The following ACKR2 variants were observed in gnomAD, a reference collection of about 807,000 sequenced individuals.
ACKR2 encodes the protein atypical chemokine receptor 2.
For synonymous variants in ACKR2, 207 were observed against 192.2 expected (o/e 1.08, Z -0.64); for missense variants, 457 against 477.3 (o/e 0.96, Z 0.40).
chr3:42,814,584 A>T (rs142781908), intron 1 of ACKR2, among the ~76,000 whole-genome samples: 198 of 152,338 alleles, frequency 1.3e-3, no homozygotes, highest in African/African-American at 4.5e-3. Flanking sequence ...TCTTTGTCGA[A>T]CTTTGTTTAA....
intron 1 of ACKR2, among the ~76,000 whole-genome samples, chr3:42,819,061 G>C (rs1700782824): frequency 6.6e-6 from 1 of 152,048 alleles, no homozygotes; most frequent in Admixed American, 6.6e-5. Flanking sequence ...AAGCTCTCCT[G>C]CCTCTTTTAC....
intron 2 of ACKR2, chr3:42,835,975 G>C (rs535504171): frequency 2.6e-5 from 4 of 152,160 alleles, no homozygotes; most frequent in African/African-American, 9.6e-5. Flanking sequence ...AGAGATGATT[G>C]GTGCATTAGA....
At chr3:42,823,997 T>G (rs1311236628) in intron 2 of ACKR2, among the ~76,000 whole-genome samples, 1 of 151,538 alleles carries the variant, frequency 6.6e-6, no homozygotes, top group Admixed American at 6.6e-5. Flanking sequence ...GTCAAAACTT[T>G]GTTTCATGCA....
intron 2 of ACKR2, among the ~76,000 whole-genome samples, chr3:42,836,219 A>G (rs4682863): frequency 0.45 from 68,819 of 152,036 alleles, 16,175 homozygotes; most frequent in East Asian, 0.69. Context: ...TGATGAGATA[A>G]AAGCAAAACT....
At chr3:42,833,044 T>G (rs905271555) in intron 2 of ACKR2, among the ~76,000 whole-genome samples, 2 of 152,168 alleles carry the variant, frequency 1.3e-5, no homozygotes, top group Non-Finnish European at 2.9e-5. Flanking sequence ...TTGTGTTTTT[T>G]GTAGAGATGA....
chr3:42,857,948 C>T (rs574644325), intron 2 of ACKR2, among the ~76,000 whole-genome samples: 1 of 152,346 alleles, frequency 6.6e-6, no homozygotes, highest in Non-Finnish European at 1.5e-5. Context: ...TTGGCAAAGC[C>T]ACTGTAGCCA....
At chr3:42,845,886 C>CAAAAG (rs1049626493) in intron 2 of ACKR2, among the ~76,000 whole-genome samples, 2 of 145,300 alleles carry the variant, frequency 1.4e-5, no homozygotes, top group African/African-American at 5.1e-5. Flanking sequence ...AAAAAGAAAA[C>CAAAAG]AAAAGAAAAG....
At chr3:42,824,641 G>A (rs1473301659) in intron 2 of ACKR2, among the ~76,000 whole-genome samples, 1 of 152,068 alleles carries the variant, frequency 6.6e-6, no homozygotes, top group African/African-American at 2.4e-5. Flanking sequence ...TGTTTTCAAG[G>A]TTCATCCATG....
Position 42,852,613 on chromosome 3 carries a change from G to A in ACKR2, c.-37-11853G>A, listed in dbSNP as rs1366188188. Among the ~76,000 whole-genome samples, 8 of 152,106 alleles carry A rather than the reference G, an allele frequency of 5.3e-5. No homozygotes were observed. Among genetic ancestry groups the A allele is most frequent in the Non-Finnish European group, 1.2e-4 (8 of 68,022 alleles). On this transcript the variant is annotated intron_variant, in intron 2 of 2. Transcript: ENST00000422265. The surrounding 1 kb of genome is among the most constrained non-coding windows in gnomAD (Gnocchi z 4.3). ...CTATGTCTAGCTGGAAGCTGCAAGG[G>A]GACTCCTGCCCTGCTGAGGAATGGA... is the stretch of plus-strand genomic sequence containing the variant.
chr3:42,837,112 T>C (rs1700993409), intron 2 of ACKR2, among the ~76,000 whole-genome samples: 1 of 152,102 alleles, frequency 6.6e-6, no homozygotes, highest in African/African-American at 2.4e-5. Context: ...CCCGAAGGCC[T>C]GAGAACCAGG....
intron 2 of ACKR2, among the ~76,000 whole-genome samples, chr3:42,829,935 A>G (rs1328945796): frequency 1.3e-5 from 2 of 152,230 alleles, no homozygotes; most frequent in Non-Finnish European, 2.9e-5. Flanking sequence ...AAAGAAAATC[A>G]GCCCCCATAA....
chr3:42,838,356 C>A (rs1317755090), intron 2 of ACKR2, among the ~76,000 whole-genome samples: 1 of 152,100 alleles, frequency 6.6e-6, no homozygotes, highest in Non-Finnish European at 1.5e-5. Context: ...AGAAAACACA[C>A]AGCCCAATTT....
At chr3:42,842,748 C>G (rs1015512289) in intron 2 of ACKR2, among the ~76,000 whole-genome samples, 1 of 151,912 alleles carries the variant, frequency 6.6e-6, no homozygotes, top group Non-Finnish European at 1.5e-5. Flanking sequence ...TTTTGGAGGT[C>G]GAGGCAGGTG....
chr3:42,861,543 C>G (rs1421487301), intron 2 of ACKR2, among the ~76,000 whole-genome samples: 1 of 152,116 alleles, frequency 6.6e-6, no homozygotes, highest in Non-Finnish European at 1.5e-5. Context: ...ATACCAAAAC[C>G]TGGCAAAGAC....
At chr3:42,830,826 A>G (rs1289581763) in intron 2 of ACKR2, among the ~76,000 whole-genome samples, 2 of 151,708 alleles carry the variant, frequency 1.3e-5, no homozygotes, top group Non-Finnish European at 2.9e-5. Context: ...GGTGCATTCT[A>G]TATCCCCTTA....
intron 2 of ACKR2, among the ~76,000 whole-genome samples, chr3:42,821,789 C>T (rs1055900741): frequency 6.6e-5 from 10 of 152,008 alleles, no homozygotes; most frequent in African/African-American, 1.2e-4. Context: ...CTCCGATTCC[C>T]GGGTTCACGC....
At chr3:42,840,453 G>A (rs1030654629) in intron 2 of ACKR2, among the ~76,000 whole-genome samples, 1 of 151,968 alleles carries the variant, frequency 6.6e-6, no homozygotes, top group African/African-American at 2.4e-5. Context: ...CTATCCCCAC[G>A]CATTGTTTGC....
chr3:42,847,528 G>A (rs1345723903), intron 2 of ACKR2, among the ~76,000 whole-genome samples: 2 of 152,230 alleles, frequency 1.3e-5, no homozygotes, highest in Admixed American at 6.5e-5. Context: ...AGGCCCTAGA[G>A]AAGGACTGGA....
chr3:42,828,092 A>ATTTTTTTTTTTTTTTTTTTTT (rs71072742), intron 2 of ACKR2, among the ~76,000 whole-genome samples: 1 of 121,902 alleles, frequency 8.2e-6, no homozygotes, highest in African/African-American at 3.2e-5. Flanking sequence ...ATATATATAT[A>ATTTTTTTTTTTTTTTTTTTTT]TTTTTTTTTT....
Sources: gnomAD v4.1 joint callset for allele counts (sites outside exome capture counted in the v4.1 genomes callset) on GRCh38, gnomAD v4.1.1 for gene constraint, Gnocchi (gnomAD v3.1) non-coding constraint, MANE v1.5 for transcripts, NCBI Gene and HGNC (gene_info 2026-07-23, HGNC 2026-07-21) for gene names.